The following AGPAT4 variants were observed in gnomAD, a reference collection of about 807,000 sequenced individuals.
The protein encoded by AGPAT4 is 1-acyl-sn-glycerol-3-phosphate acyltransferase delta.
A neutral mutation model predicts 48.0 loss-of-function variants in AGPAT4; 15 were observed. That is an observed-to-expected ratio of 0.31 (90% CI 0.21 to 0.48). The LOEUF is 0.48. Among genes scored for constraint, AGPAT4 ranks in the 20% least tolerant of loss-of-function variants. AGPAT4 has a pLI of 0.99. For missense variants in AGPAT4, 314 were observed against 482.5 expected, an observed-to-expected ratio of 0.65 and a Z score of 3.27; for synonymous variants, 178 against 198.7, an observed-to-expected ratio of 0.90 and a Z score of 0.88.
chr6:161,192,990 G>T (rs1298354530), intron 2 of AGPAT4, among the ~76,000 whole-genome samples: 1 of 152,110 alleles, frequency 6.6e-6, no homozygotes, highest in Non-Finnish European at 1.5e-5. Context: ...TCACTATGAT[G>T]CATCTACGTG....
Position 161,161,310 on chromosome 6 carries a change from T to C in AGPAT4, c.348+4938A>G, listed in dbSNP as rs1779927358. Reference sequence around the variant, plus strand: ...TCGGTATGAACCCGCGGTGCAGCCATAGTCCCGTGAGCTGCCCACTTCCTG... The same window carrying C: ...TCGGTATGAACCCGCGGTGCAGCCACAGTCCCGTGAGCTGCCCACTTCCTG... On this transcript the variant is annotated intron_variant, in intron 3 of 8. Transcript: ENST00000320285. This position sits in a 1 kb window ranked among gnomAD's most constrained non-coding sequence, Gnocchi z 4.6. The C allele has an allele frequency of 2.2e-6, 1 of 456,540 alleles. No individual in the cohort carries two copies. Among genetic ancestry groups the C allele is most frequent in the Non-Finnish European group, 4.4e-6 (1 of 226,950 alleles). 28.3% of individuals were successfully genotyped at this position (456,540 alleles called of 1,614,324 possible). A position where few individuals can be genotyped will look rare whatever the true frequency, so the allele number is the denominator to read the frequency against.
At chr6:161,185,351 T>C (rs1465312086) in intron 2 of AGPAT4, among the ~76,000 whole-genome samples, 3 of 148,818 alleles carry the variant, frequency 2.0e-5, no homozygotes, top group African/African-American at 7.5e-5. Flanking sequence ...AGTGCAGTAG[T>C]GCAATCTCAG....
In AGPAT4 at chr6:161,161,221, G is replaced by A. The variant is rs531972903; in HGVS notation, c.348+5027C>T. ...CCTGGTCAACAAAGAAGAAGACCCC[G>A]GTGTGTCCAACGTGGGACCGGACTT... On this transcript the variant is annotated intron_variant, in intron 3 of 8. Coordinates refer to ENST00000320285, the MANE Select transcript of AGPAT4 (RefSeq NM_020133.3). The surrounding 1 kb of genome is among the most constrained non-coding windows in gnomAD (Gnocchi z 4.6). 2.1e-4 allele frequency: 96 copies of A among 456,690 alleles called. No homozygotes were observed. In the East Asian group the frequency reaches 2.8e-3, roughly 13 times the overall value. 28.3% of individuals were successfully genotyped at this position (456,690 alleles called of 1,614,324 possible). A position where few individuals can be genotyped will look rare whatever the true frequency, so the allele number is the denominator to read the frequency against.
rs1782456480 is a variant in AGPAT4, at chr6:161,240,609, A to G, written c.-89-8307T>C. Among the ~76,000 whole-genome samples the G allele has an allele frequency of 6.6e-6, 1 of 152,168 alleles. No homozygotes were observed. The highest frequency in any genetic ancestry group is 2.1e-4 in the South Asian group (1 of 4,822). Reference sequence around the variant, plus strand: ...ACAGCTGGCAGATTGTTTCTGAACCAATATTTCGGTCTCCAGGACACAGAA... The same window carrying G: ...ACAGCTGGCAGATTGTTTCTGAACCGATATTTCGGTCTCCAGGACACAGAA... On this transcript the variant is annotated intron_variant, in intron 1 of 8. Coordinates refer to ENST00000320285, the MANE Select transcript of AGPAT4 (RefSeq NM_020133.3). This position sits in a 1 kb window ranked among gnomAD's most constrained non-coding sequence, Gnocchi z 5.5.
At chr6:161,258,778 T>C (rs1242577578) in intron 1 of AGPAT4, among the ~76,000 whole-genome samples, 1 of 151,248 alleles carries the variant, frequency 6.6e-6, no homozygotes, top group South Asian at 2.1e-4. Flanking sequence ...ACTTGGGGAC[T>C]ATTTTACCAC....
chr6:161,171,010 A>T lies in AGPAT4; in HGVS notation c.179-4593T>A, dbSNP rs1756487158. On this transcript the variant is annotated intron_variant, in intron 2 of 8. Coordinates refer to ENST00000320285, the MANE Select transcript of AGPAT4 (RefSeq NM_020133.3). The surrounding 1 kb of genome is among the most constrained non-coding windows in gnomAD (Gnocchi z 4.4). Reference sequence around the variant, plus strand: ...GTCACCTCCTTTCAAAGGACATATTATTTAGAACCTCCAATTTAACTCAGA... The same window carrying T: ...GTCACCTCCTTTCAAAGGACATATTTTTTAGAACCTCCAATTTAACTCAGA... Among the ~76,000 whole-genome samples the T allele has an allele frequency of 6.6e-6, 1 of 152,162 alleles. No homozygotes were observed. Among genetic ancestry groups the T allele is most frequent in the Admixed American group, 6.5e-5 (1 of 15,274 alleles).
In AGPAT4 at chr6:161,270,027, C is replaced by T. The variant is rs1783378181; in HGVS notation, c.-90+3911G>A. On this transcript the variant is annotated intron_variant, in intron 1 of 8. Coordinates refer to ENST00000320285, the MANE Select transcript of AGPAT4 (RefSeq NM_020133.3). This position sits in a 1 kb window ranked among gnomAD's most constrained non-coding sequence, Gnocchi z 5.3. ...GACAGGTAGATGGATTGTTCCATGA[C>T]AATGTTGAAACAAATTATACTCCTT... 6.6e-6 allele frequency among the ~76,000 whole-genome samples: 1 copy of T among 152,108 alleles called. No individual in the cohort carries two copies. The highest frequency in any genetic ancestry group is 2.4e-5 in the African/African-American group (1 of 41,424).
chr6:161,178,347 C>G lies in AGPAT4; in HGVS notation c.179-11930G>C, dbSNP rs1030552056. ...CCTCAGCAATGGCGGATGCCCCTCCCCGAACCTCGCTGCCGCCTTGCAGTT... is the reference window on the plus strand; with the variant it reads ...CCTCAGCAATGGCGGATGCCCCTCCGCGAACCTCGCTGCCGCCTTGCAGTT... On this transcript the variant is annotated intron_variant, in intron 2 of 8. Transcript: ENST00000320285. The surrounding 1 kb of genome is among the most constrained non-coding windows in gnomAD (Gnocchi z 5.1). Among the ~76,000 whole-genome samples the G allele has an allele frequency of 1.3e-5, 2 of 152,248 alleles. No individual in the cohort carries two copies. The highest frequency in any genetic ancestry group is 2.9e-5 in the Non-Finnish European group (2 of 68,044).
Position 161,178,668 on chromosome 6 carries a change from C to T in AGPAT4, c.179-12251G>A, listed in dbSNP as rs916607893. ...AAGCCCCAGTGAGATGAACCTGGTA[C>T]CTCAGTTGGAAGTGCAGAAATCACC... On this transcript the variant is annotated intron_variant, in intron 2 of 8. Coordinates refer to ENST00000320285, the MANE Select transcript of AGPAT4 (RefSeq NM_020133.3). The surrounding 1 kb of genome is among the most constrained non-coding windows in gnomAD (Gnocchi z 5.1). Among the ~76,000 whole-genome samples, 3 of 152,166 alleles carry T rather than the reference C, an allele frequency of 2.0e-5. No individual in the cohort carries two copies. In the East Asian group the frequency reaches 5.8e-4, roughly 29 times the overall value.
chr6:161,194,558 ATGTG>A (rs559840907), intron 2 of AGPAT4, among the ~76,000 whole-genome samples: 8 of 149,050 alleles, frequency 5.4e-5, no homozygotes, highest in Non-Finnish European at 1.0e-4. Flanking sequence ...GTATGTGTGC[ATGTG>A]TGTATGTGTA....
At chr6:161,175,155 G>A (rs1476271677) in intron 2 of AGPAT4, among the ~76,000 whole-genome samples, 2 of 152,118 alleles carry the variant, frequency 1.3e-5, no homozygotes, top group Non-Finnish European at 2.9e-5. Context: ...GGATGATGCT[G>A]GCCTCATAAA....
At position 161,148,107 on chromosome 6, in the gene AGPAT4, T is replaced by C. The variant is rs1010914632; in HGVS notation, c.767+1080A>G. 2.0e-5 allele frequency among the ~76,000 whole-genome samples: 3 copies of C among 152,194 alleles called. No individual in the cohort carries two copies. Among genetic ancestry groups the C allele is most frequent in the East Asian group, 1.9e-4 (1 of 5,192 alleles). On this transcript the variant is annotated intron_variant, in intron 6 of 8. Coordinates refer to ENST00000320285, the MANE Select transcript of AGPAT4 (RefSeq NM_020133.3). The surrounding 1 kb of genome is among the most constrained non-coding windows in gnomAD (Gnocchi z 5.5). ...CCAAATAACTGAGCCCAGCTGGCCA[T>C]TGAGTGGAGCTCCTGCCAGCTGTCA...
intron 2 of AGPAT4, among the ~76,000 whole-genome samples, chr6:161,173,170 G>C (rs949593155): frequency 5.3e-5 from 8 of 152,294 alleles, no homozygotes; most frequent in African/African-American, 1.4e-4. Flanking sequence ...GTAACGGGAT[G>C]GCTGGGTCAA....
At chr6:161,183,330 G>A (rs1438633354) in intron 2 of AGPAT4, among the ~76,000 whole-genome samples, 1 of 151,990 alleles carries the variant, frequency 6.6e-6, no homozygotes. Flanking sequence ...AGAAAGTGCT[G>A]TGTGAGAGTC....
At chr6:161,194,023 C>T (rs1340210114) in intron 2 of AGPAT4, among the ~76,000 whole-genome samples, 2 of 152,182 alleles carry the variant, frequency 1.3e-5, no homozygotes, top group Admixed American at 1.3e-4. Flanking sequence ...CTGTCTACAG[C>T]TATGCTGTCC....
rs1406504386 is a variant in AGPAT4 at position 161,139,927 on chromosome 6, C to A, written c.844-307G>T. 6.6e-6 allele frequency among the ~76,000 whole-genome samples: 1 copy of A among 152,254 alleles called. No homozygotes were observed. Among genetic ancestry groups the A allele is most frequent in the Non-Finnish European group, 1.5e-5 (1 of 68,038 alleles). ...TGGGCTAGGATCCACCCTCTGTGGG[C>A]AGGCACCTGCATCCCTGAGCCCAGG... On this transcript the variant is annotated intron_variant, in intron 7 of 8. Coordinates refer to ENST00000320285, the MANE Select transcript of AGPAT4 (RefSeq NM_020133.3). The surrounding 1 kb of genome is among the most constrained non-coding windows in gnomAD (Gnocchi z 9.1).
chr6:161,240,227 C>T lies in AGPAT4; in HGVS notation c.-89-7925G>A, dbSNP rs1186172728. 2.9e-5 allele frequency among the ~76,000 whole-genome samples: 1 copy of T among 34,374 alleles called. No individual in the cohort carries two copies. Among genetic ancestry groups the T allele is most frequent in the Non-Finnish European group, 5.7e-5 (1 of 17,472 alleles). 22.6% of individuals were successfully genotyped at this position (34,374 alleles called of 152,430 possible). Reference sequence around the variant, plus strand: ...CAGCAGATATCTTTGTGTATACACACACACACACACACACACACACACACA... The same window carrying T: ...CAGCAGATATCTTTGTGTATACACATACACACACACACACACACACACACA... On this transcript the variant is annotated intron_variant, in intron 1 of 8. Coordinates refer to ENST00000320285, the MANE Select transcript of AGPAT4 (RefSeq NM_020133.3). This position sits in a 1 kb window ranked among gnomAD's most constrained non-coding sequence, Gnocchi z 5.5.
At chr6:161,268,138 C>A (rs1261562033) in intron 1 of AGPAT4, among the ~76,000 whole-genome samples, 2 of 152,176 alleles carry the variant, frequency 1.3e-5, no homozygotes, top group African/African-American at 4.8e-5. Context: ...AGTTTTCACA[C>A]ACTAGCTTTG....
rs892092494 is a variant in AGPAT4 at position 161,251,309 on chromosome 6, T to C, written c.-89-19007A>G. Among the ~76,000 whole-genome samples, 2 of 152,234 alleles carry C rather than the reference T, an allele frequency of 1.3e-5. No homozygotes were observed. Among genetic ancestry groups the C allele is most frequent in the Admixed American group, 6.5e-5 (1 of 15,290 alleles). ...TGTTGAAAGATCCTTCTCTACCTCA[T>C]TGATTCCCATGCAGTCTCTCCTACA... On this transcript the variant is annotated intron_variant, in intron 1 of 8. Transcript: ENST00000320285. The surrounding 1 kb of genome is among the most constrained non-coding windows in gnomAD (Gnocchi z 4.6).
Sources: gnomAD v4.1 joint callset for allele counts (sites outside exome capture counted in the v4.1 genomes callset) on GRCh38, gnomAD v4.1.1 for gene constraint, Gnocchi (gnomAD v3.1) non-coding constraint, MANE v1.5 for transcripts, NCBI Gene and HGNC (gene_info 2026-07-23, HGNC 2026-07-21) for gene names.